The following PTPRK variants were observed in gnomAD, a reference collection of about 807,000 sequenced individuals.
The protein encoded by PTPRK is protein tyrosine phosphatase receptor type K.
Under a neutral mutation model 178.0 loss-of-function variants are expected in PTPRK, and 75 were observed. The ratio of observed to expected loss-of-function variants is 0.42; its 90% CI spans 0.35 to 0.51. The LOEUF (loss-of-function observed/expected upper bound fraction) is 0.51. Among genes scored for constraint, PTPRK ranks in the 20% least tolerant of loss-of-function variants. The pLI is 0.02. For synonymous variants in PTPRK, 637 were observed against 620.6 expected (o/e 1.03, Z -0.39); for missense variants, 1,441 against 1,797.8 (o/e 0.80, Z 3.59).
intron 19 of PTPRK, 28 bp from the exon 20 acceptor site, chr6:127,991,419 G>A (rs1351150005): frequency 1.3e-6 from 2 of 1,500,926 alleles, no homozygotes; most frequent in East Asian, 4.8e-5. Flanking sequence ...TGAATATTAT[G>A]TTATCAAAGG....
At chr6:128,397,727 T>C (rs935329532) in intron 1 of PTPRK, 39 bp from the exon 2 acceptor site, 23 of 1,600,398 alleles carry the variant, frequency 1.4e-5, no homozygotes, top group Non-Finnish European at 2.0e-5. Context: ...TCTAAACAGA[T>C]TTTCCAAACA....
intron 1 of PTPRK, among the ~76,000 whole-genome samples, chr6:128,475,987 C>A (rs1851325898): frequency 6.6e-6 from 1 of 152,012 alleles, no homozygotes; most frequent in African/African-American, 2.4e-5. Flanking sequence ...TTGAACTCAG[C>A]ACTTAGAATT....
At chr6:128,118,614 C>A (rs916780253) in intron 7 of PTPRK, among the ~76,000 whole-genome samples, 4 of 152,052 alleles carry the variant, frequency 2.6e-5, no homozygotes, top group Non-Finnish European at 5.9e-5. Flanking sequence ...TTAATCTATT[C>A]TTGTTACTGG....
At chr6:128,381,344 A>G (rs4085784) in intron 2 of PTPRK, among the ~76,000 whole-genome samples, 87,110 of 152,056 alleles carry the variant, frequency 0.57, 29,674 homozygotes, top group Non-Finnish European at 0.74. Flanking sequence ...AATCATTTCT[A>G]GATATCATTA....
chr6:128,347,663 A>G (rs1483257478), intron 2 of PTPRK, among the ~76,000 whole-genome samples: 1 of 152,082 alleles, frequency 6.6e-6, no homozygotes, highest in East Asian at 1.9e-4. Flanking sequence ...CATCTGTCAG[A>G]TCTTTTTTAA....
intron 3 of PTPRK, among the ~76,000 whole-genome samples, chr6:128,266,648 C>T (rs1818998757): frequency 6.6e-6 from 1 of 151,986 alleles, no homozygotes; most frequent in African/African-American, 2.4e-5. Flanking sequence ...ACATGGAAGG[C>T]AACATGTCCA....
At chr6:128,060,495 C>G (rs879335765) in intron 13 of PTPRK, among the ~76,000 whole-genome samples, 6 of 152,080 alleles carry the variant, frequency 3.9e-5, no homozygotes, top group Non-Finnish European at 8.8e-5. Flanking sequence ...ACTCTGTGCT[C>G]TAATATATCA....
intron 3 of PTPRK, among the ~76,000 whole-genome samples, chr6:128,276,885 C>T (rs2128300156): frequency 6.6e-6 from 1 of 152,006 alleles, no homozygotes; most frequent in Admixed American, 6.6e-5. Flanking sequence ...CTCAACAAAC[C>T]CTAAATTTTA....
chr6:128,175,973 T>C (rs1801007466), intron 7 of PTPRK, among the ~76,000 whole-genome samples: 1 of 151,522 alleles, frequency 6.6e-6, no homozygotes, highest in South Asian at 2.1e-4. Flanking sequence ...AAGCACAACA[T>C]CCAAACATGC....
rs553694302 is a variant in PTPRK, at chr6:128,472,052, G to A, written c.100+48207C>T. On this transcript the variant is annotated intron_variant, in intron 1 of 29. Coordinates refer to ENST00000368226, the MANE Select transcript of PTPRK (RefSeq NM_002844.4). ...GAGGGTGGAGAATGGAAAGATGAAGGAGACAGTTCAAGAGGGCAAAGTAGA... is the reference window on the plus strand; with the variant it reads ...GAGGGTGGAGAATGGAAAGATGAAGAAGACAGTTCAAGAGGGCAAAGTAGA... Among the ~76,000 whole-genome samples, 16 of 152,092 alleles carry A rather than the reference G, an allele frequency of 1.1e-4. No individual in the cohort carries two copies. In the South Asian group the frequency reaches 2.1e-3, roughly 20 times the overall value.
chr6:128,161,442 C>T (rs1798694324), intron 7 of PTPRK, among the ~76,000 whole-genome samples: 1 of 151,444 alleles, frequency 6.6e-6, no homozygotes, highest in African/African-American at 2.4e-5. Context: ...TATGTTAATC[C>T]TACCACAGGA....
chr6:128,379,163 C>T (rs948685325), intron 2 of PTPRK, among the ~76,000 whole-genome samples: 5 of 152,112 alleles, frequency 3.3e-5, no homozygotes, highest in African/African-American at 1.2e-4. Context: ...CCAAGTTCAG[C>T]TACTTTATTT....
intron 2 of PTPRK, among the ~76,000 whole-genome samples, chr6:128,326,558 G>C (rs1279093647): frequency 1.3e-5 from 2 of 151,986 alleles, no homozygotes; most frequent in South Asian, 2.1e-4. Context: ...TTTTATGGAA[G>C]ATATTTACAA....
intron 2 of PTPRK, among the ~76,000 whole-genome samples, chr6:128,374,431 T>C (rs1836733254): frequency 6.6e-6 from 1 of 152,086 alleles, no homozygotes; most frequent in Non-Finnish European, 1.5e-5. Flanking sequence ...AAACTTAACA[T>C]CTCTAAAACC....
intron 1 of PTPRK, among the ~76,000 whole-genome samples, chr6:128,478,920 C>T (rs1851705856): frequency 6.6e-6 from 1 of 152,080 alleles, no homozygotes; most frequent in Non-Finnish European, 1.5e-5. Context: ...CAGCTCCATA[C>T]CAACTTCACC....
chr6:128,312,260 C>T (rs1441551688), intron 3 of PTPRK, among the ~76,000 whole-genome samples: 1 of 152,146 alleles, frequency 6.6e-6, no homozygotes, highest in African/African-American at 2.4e-5. Flanking sequence ...TGGCCAGTTA[C>T]TTCACAGAAA....
At chr6:128,059,987 T>C (rs1780540576) in intron 13 of PTPRK, among the ~76,000 whole-genome samples, 1 of 152,150 alleles carries the variant, frequency 6.6e-6, no homozygotes, top group African/African-American at 2.4e-5. Flanking sequence ...TCAACTCATA[T>C]CTTTTCTGTT....
Position 128,295,873 on chromosome 6 carries a change from G to C in PTPRK, c.495+26166C>G, listed in dbSNP as rs57751498. On this transcript the variant is annotated intron_variant, in intron 3 of 29. Coordinates refer to ENST00000368226, the MANE Select transcript of PTPRK (RefSeq NM_002844.4). ...ATAGCACTTCTATTCATGGCCAGTA[G>C]GCTACACTGTAACTTTTATGTATAG... Among the ~76,000 whole-genome samples, 7 of 152,142 alleles carry C rather than the reference G, an allele frequency of 4.6e-5. No homozygotes were observed. The East Asian group carries it at 9.7e-4, about 21-fold the overall frequency.
chr6:128,128,585 T>G lies in PTPRK; in HGVS notation c.1163-38593A>C, dbSNP rs557209350. On this transcript the variant is annotated intron_variant, in intron 7 of 29. Coordinates refer to ENST00000368226, the MANE Select transcript of PTPRK (RefSeq NM_002844.4). ...TGTGCTTCTCAAAAGAGAGTACTTG[T>G]GTATTCACAGGAAAAAGGAGAAACC... 3.9e-5 allele frequency among the ~76,000 whole-genome samples: 6 copies of G among 152,354 alleles called. No individual in the cohort carries two copies. The South Asian group carries it at 1.2e-3, about 32-fold the overall frequency.
Sources: allele counts gnomAD v4.1 joint callset (sites outside exome capture counted in the v4.1 genomes callset), GRCh38; gene constraint gnomAD v4.1.1; transcripts MANE v1.5; gene names NCBI Gene and HGNC (gene_info 2026-07-23, HGNC 2026-07-21).